Variants in ASXL2 observed in about 807,000 individuals in gnomAD.
ASXL2 encodes the protein putative Polycomb group protein ASXL2.
Under a neutral mutation model 122.0 loss-of-function variants are expected in ASXL2, and 23 were observed. The ratio of observed to expected loss-of-function variants is 0.19; its 90% CI spans 0.14 to 0.27. The LOEUF is 0.27. ASXL2 is among the 10% of genes least tolerant of loss of function. The pLI, the probability that ASXL2 is intolerant of heterozygous loss-of-function variation, is 1.00. For synonymous variants in ASXL2, 650 were observed against 637.0 expected (o/e 1.02, Z -0.31); for missense variants, 1,518 against 1,713.8 (o/e 0.89, Z 2.02).
At chr2:25,844,107 T>G (rs897374222) in intron 2 of ASXL2, among the ~76,000 whole-genome samples, 12 of 152,108 alleles carry the variant, frequency 7.9e-5, no homozygotes, top group Non-Finnish European at 5.9e-5. Flanking sequence ...AATTCTAAAC[T>G]CTTTCTCCAA....
intron 8 of ASXL2, among the ~76,000 whole-genome samples, chr2:25,761,809 T>A (rs1007779526): frequency 6.6e-6 from 1 of 151,748 alleles, no homozygotes; most frequent in Non-Finnish European, 1.5e-5. Context: ...CACCAAACTA[T>A]CCTTCAAAAA....
rs562197674 is a variant in ASXL2 at position 25,745,008 on chromosome 2, G to A, written c.1861-532C>T. 7.4e-5 allele frequency among the ~76,000 whole-genome samples: 11 copies of A among 149,374 alleles called. No homozygotes were observed. The East Asian group carries it at 1.6e-3, about 21-fold the overall frequency. ...GGGCTGGATTATCTCAAATTACACA[G>A]GCTTCTAGACAGCACTGGAAGGAAG... is the stretch of plus-strand genomic sequence containing the variant. On this transcript the variant is annotated intron_variant, in intron 12 of 12. Coordinates refer to ENST00000435504, the MANE Select transcript of ASXL2 (RefSeq NM_018263.6).
At chr2:25,745,504 C>T (rs1379582925) in intron 12 of ASXL2, among the ~76,000 whole-genome samples, 1 of 147,132 alleles carries the variant, frequency 6.8e-6, no homozygotes, top group African/African-American at 2.5e-5. Flanking sequence ...TGAGCCACAG[C>T]ACCCAGCCTG....
intron 1 of ASXL2, among the ~76,000 whole-genome samples, chr2:25,849,690 G>A (rs552831525): frequency 6.6e-6 from 1 of 151,836 alleles, no homozygotes; most frequent in Admixed American, 6.6e-5. Flanking sequence ...TGCCCAGGCC[G>A]GTCTCGAACT....
At chr2:25,793,165 G>A (rs138516322) in intron 5 of ASXL2, among the ~76,000 whole-genome samples, 6,459 of 151,948 alleles carry the variant, frequency 0.043, 213 homozygotes, top group African/African-American at 0.08. Context: ...CCCGGGAGGC[G>A]AGGTTGCAGT....
chr2:25,768,694 A>G (rs762174477), intron 7 of ASXL2, 48 bp downstream of exon 7: 21 of 1,590,452 alleles, frequency 1.3e-5, no homozygotes, highest in Non-Finnish European at 1.6e-5. Flanking sequence ...CAACATAAAA[A>G]TACTAGGAAA....
rs1485353944 is a variant in ASXL2 at position 25,744,647 on chromosome 2, G to T, written c.1861-171C>A. Among the ~76,000 whole-genome samples, 1 of 152,176 alleles carries T rather than the reference G, an allele frequency of 6.6e-6. No homozygotes were observed. The highest frequency in any genetic ancestry group is 2.4e-5 in the African/African-American group (1 of 41,434). On this transcript the variant is annotated intron_variant, in intron 12 of 12. Coordinates refer to ENST00000435504, the MANE Select transcript of ASXL2 (RefSeq NM_018263.6). This position sits in a 1 kb window ranked among gnomAD's most constrained non-coding sequence, Gnocchi z 4.7. ...ACCTTGGAGACAGCAATACTAGTTT[G>T]TCTCTAGGGTCCTTGCATCCACTTT...
At chr2:25,855,472 T>G (rs760468430) in intron 1 of ASXL2, among the ~76,000 whole-genome samples, 2 of 152,044 alleles carry the variant, frequency 1.3e-5, no homozygotes, top group East Asian at 3.9e-4. Context: ...AGTTTGAGAC[T>G]AGCCTGGCCA....
At chr2:25,782,963 A>G (rs1559509938) in intron 5 of ASXL2, among the ~76,000 whole-genome samples, 1 of 152,018 alleles carries the variant, frequency 6.6e-6, no homozygotes, top group Non-Finnish European at 1.5e-5. Context: ...CCCCATATCT[A>G]CTAAAAATAC....
rs1476108282 is a variant in ASXL2, at chr2:25,743,274, G to T, written c.3063C>A (p.Gly1021=). The part of the protein sequence containing the change: ...QSHPATQQQL[G]KTLQSKQLPQ... ...GGAGCTGCTTACTTTGCAAGGTTTT[G>T]CCCAGCTGCTGCTGCGTAGCTGGAT... Residue 1021 remains glycine (G), a synonymous_variant, in exon 13 of 13, where the codon GGC becomes GGA. Coordinates refer to ENST00000435504, the MANE Select transcript of ASXL2 (RefSeq NM_018263.6). The T allele has an allele frequency of 6.2e-7, 1 of 1,613,694 alleles. No individual in the cohort carries two copies. The highest frequency in any genetic ancestry group is 1.1e-5 in the South Asian group (1 of 91,066).
Position 25,742,804 on chromosome 2 carries a change from T to G in ASXL2, c.3533A>C (p.Glu1178Ala), listed in dbSNP as rs1301535951. Residue 1178 changes from glutamate (E) to alanine (A), a missense_variant, in exon 13 of 13, where the codon GAA becomes GCA. This residue lies in a region of ASXL2 where 831 missense variants were observed against 833.1 expected (regional missense o/e 1.00). Coordinates refer to ENST00000435504, the MANE Select transcript of ASXL2 (RefSeq NM_018263.6). Reference sequence around the variant, plus strand: ...AGTACTTTCCTCATCAGTGTCATCTTCTTTGCTGCTGCTACTCTCTCCTGT... The same window carrying G: ...AGTACTTTCCTCATCAGTGTCATCTGCTTTGCTGCTGCTACTCTCTCCTGT... ...NATGESSSSK[E>A]DDTDEESTGD... The G allele has an allele frequency of 6.2e-7, 1 of 1,614,000 alleles. No homozygotes were observed. Among genetic ancestry groups the G allele is most frequent in the South Asian group, 1.1e-5 (1 of 91,078 alleles).
At chr2:25,799,993 C>CAA (rs563216355) in intron 4 of ASXL2, among the ~76,000 whole-genome samples, 79 of 98,316 alleles carry the variant, frequency 8.0e-4, no homozygotes, top group African/African-American at 8.8e-4. Flanking sequence ...AAAAAAAATG[C>CAA]AAAAAAAAAA....
intron 5 of ASXL2, among the ~76,000 whole-genome samples, chr2:25,791,201 T>C (rs958957124): frequency 1.3e-5 from 2 of 151,930 alleles, no homozygotes; most frequent in Non-Finnish European, 2.9e-5. Flanking sequence ...CTAAGAAACT[T>C]TGTGAGGCCG....
intron 3 of ASXL2, among the ~76,000 whole-genome samples, chr2:25,816,233 A>G (rs994333199): frequency 6.9e-6 from 1 of 144,112 alleles, no homozygotes; most frequent in Non-Finnish European, 1.6e-5. Context: ...GCGAGCCTCC[A>G]TCTCAAAAAA....
chr2:25,806,410 TC>T (rs2089083140), intron 3 of ASXL2, 73 bp from the exon 4 acceptor site: 2 of 998,858 alleles, frequency 2.0e-6, no homozygotes, highest in Non-Finnish European at 3.0e-6. Flanking sequence ...TATGTAACAC[TC>T]AAAATAAAAT....
Position 25,750,191 on chromosome 2 carries a change from C to A in ASXL2, c.1365G>T (p.Pro455=), listed in dbSNP as rs33994557. The change falls in exon 12 of 13, where the codon CCG becomes CCT. Residue 455 remains proline, a synonymous_variant. Transcript: ENST00000435504. ...GGGGCTCTGAAGATGTGGAGAAGTT[C>A]GGCTGCACTTCACCTTGGCTTTCAC... ...EECESQGEVQ[P]NFSTSSEPLL... The A allele has an allele frequency of 1.1e-5, 17 of 1,613,742 alleles. No individual in the cohort carries two copies. Among genetic ancestry groups the A allele is most frequent in the Non-Finnish European group, 1.4e-5 (17 of 1,179,866 alleles).
At chr2:25,835,745 G>A (rs2089503070) in intron 2 of ASXL2, among the ~76,000 whole-genome samples, 1 of 152,092 alleles carries the variant, frequency 6.6e-6, no homozygotes, top group East Asian at 1.9e-4. Flanking sequence ...AATGTCTAAA[G>A]ATAAACAAAT....
chr2:25,762,650 G>A (rs2088274025), intron 8 of ASXL2, among the ~76,000 whole-genome samples: 1 of 123,614 alleles, frequency 8.1e-6, no homozygotes, highest in African/African-American at 3.1e-5. Flanking sequence ...GGGTGACAGA[G>A]CGAGACTCTT....
chr2:25,811,079 C>CACACACACAT (rs2089162926), intron 3 of ASXL2, among the ~76,000 whole-genome samples: 2 of 150,212 alleles, frequency 1.3e-5, no homozygotes, highest in Non-Finnish European at 1.5e-5. Flanking sequence ...CACACACACA[C>CACACACACAT]ACACACACAC....
Sources: allele counts gnomAD v4.1 joint callset (sites outside exome capture counted in the v4.1 genomes callset), GRCh38; gene constraint gnomAD v4.1.1; regional missense constraint gnomAD v4.1.1; non-coding constraint Gnocchi (gnomAD v3.1); transcripts MANE v1.5; gene names NCBI Gene and HGNC (gene_info 2026-07-23, HGNC 2026-07-21).